TAB2: variants seen among roughly 807,000 people sequenced by gnomAD.
TAB2 encodes TGF-beta-activated kinase 1 and MAP3K7-binding protein 2.
Under a neutral mutation model 65.0 loss-of-function variants are expected in TAB2, and 3 were observed. The observed-to-expected ratio is 0.05, with a 90% CI of 0.02 to 0.12. The LOEUF is 0.12. Ranked by LOEUF, TAB2 falls within the 10% of genes least tolerant of loss-of-function variation. The pLI, the probability that TAB2 is intolerant of heterozygous loss-of-function variation, is 1.00. For missense variants in TAB2, 623 were observed against 840.3 expected, an observed-to-expected ratio of 0.74 and a Z score of 3.20; for synonymous variants, 298 against 285.1, an observed-to-expected ratio of 1.05 and a Z score of -0.46.
intron 1 of TAB2, among the ~76,000 whole-genome samples, chr6:149,227,498 C>A (rs1777306161): frequency 1.3e-5 from 2 of 151,630 alleles, no homozygotes; most frequent in Admixed American, 6.6e-5. Context: ...GGCAAATGCC[C>A]ACGATGCCAG....
chr6:149,326,818 C>T (rs770704532), intron 1 of TAB2, among the ~76,000 whole-genome samples: 2 of 152,052 alleles, frequency 1.3e-5, no homozygotes, highest in South Asian at 2.1e-4. Context: ...CTTTTTTAAG[C>T]GGTTTTTAGC....
rs565144118 is a variant in TAB2 at position 149,395,117 on chromosome 6, G to T, written c.1604-2487G>T. ...CTGCTACCGTGGTAACGTGAGCTCC[G>T]CAAGGGCAAGGATTTTTTCCTATTT... On this transcript the variant is annotated intron_variant, in intron 3 of 6. Transcript: ENST00000637181. Among the ~76,000 whole-genome samples, 4 of 152,210 alleles carry T rather than the reference G, an allele frequency of 2.6e-5. No homozygotes were observed. The South Asian group carries it at 6.3e-4, about 24-fold the overall frequency.
chr6:149,293,508 C>T (rs1036070152), intron 1 of TAB2, among the ~76,000 whole-genome samples: 1 of 152,140 alleles, frequency 6.6e-6, no homozygotes, highest in African/African-American at 2.4e-5. Flanking sequence ...GCTGTCCTGG[C>T]TTGTTGTTTG....
chr6:149,232,930 C>G (rs914521980), intron 1 of TAB2, among the ~76,000 whole-genome samples: 3 of 152,156 alleles, frequency 2.0e-5, no homozygotes, highest in African/African-American at 7.2e-5. Flanking sequence ...GTACTTCCCT[C>G]ACAGCGACCT....
At chr6:149,332,178 G>A (rs1307916312) in intron 1 of TAB2, among the ~76,000 whole-genome samples, 1 of 152,076 alleles carries the variant, frequency 6.6e-6, no homozygotes, top group Non-Finnish European at 1.5e-5. Flanking sequence ...TTTTGGATGT[G>A]TTAACTTTGA....
chr6:149,289,627 C>T (rs1340972051), intron 1 of TAB2, among the ~76,000 whole-genome samples: 3 of 152,162 alleles, frequency 2.0e-5, no homozygotes, highest in Non-Finnish European at 4.4e-5. Flanking sequence ...CTTGCTGGGC[C>T]TATGCCCGGA....
At chr6:149,273,651 C>T (rs573031123) in intron 1 of TAB2, among the ~76,000 whole-genome samples, 37 of 152,238 alleles carry the variant, frequency 2.4e-4, no homozygotes, top group African/African-American at 7.5e-4. Flanking sequence ...GGATGCCTGC[C>T]GCAAAGACAG....
chr6:149,223,328 TTTTG>T (rs1310650003), intron 1 of TAB2, among the ~76,000 whole-genome samples: 15 of 152,374 alleles, frequency 9.8e-5, no homozygotes, highest in Middle Eastern at 3.4e-3. Flanking sequence ...CCAGTACCTC[TTTTG>T]TTTGTTTTAG....
intron 1 of TAB2, among the ~76,000 whole-genome samples, chr6:149,358,640 C>CTGTGTGTGTGTGTGTGTGTGCG (rs1780746920): frequency 1.6e-5 from 2 of 121,634 alleles, no homozygotes; most frequent in Non-Finnish European, 3.4e-5. Context: ...CTTCAGAACT[C>CTGTGTGTGTGTGTGTGTGTGCG]TGTGTGTGTG....
At chr6:149,248,016 T>C (rs1224524078) in intron 1 of TAB2, 1 of 152,182 alleles carries the variant, frequency 6.6e-6, no homozygotes, top group Non-Finnish European at 1.5e-5. Flanking sequence ...CTATGGCACA[T>C]GTATACCTGT....
intron 1 of TAB2, among the ~76,000 whole-genome samples, chr6:149,271,187 G>A (rs1386737920): frequency 6.6e-6 from 1 of 151,952 alleles, no homozygotes; most frequent in Non-Finnish European, 1.5e-5. Context: ...CAGCCTGAGT[G>A]ACAGAGTGAG....
At chr6:149,283,389 G>C (rs1778611564) in intron 1 of TAB2, among the ~76,000 whole-genome samples, 1 of 152,170 alleles carries the variant, frequency 6.6e-6, no homozygotes, top group Non-Finnish European at 1.5e-5. Context: ...AGTAAGGACA[G>C]AGAATGTCAT....
chr6:149,355,525 G>C (rs1005269397), intron 1 of TAB2, among the ~76,000 whole-genome samples: 3 of 151,940 alleles, frequency 2.0e-5, no homozygotes, highest in South Asian at 2.1e-4. Context: ...AAATTAGCCG[G>C]GCGTGGTGGC....
intron 1 of TAB2, among the ~76,000 whole-genome samples, chr6:149,346,066 G>T (rs920628165): frequency 6.6e-6 from 1 of 152,108 alleles, no homozygotes; most frequent in Non-Finnish European, 1.5e-5. Flanking sequence ...AAACACGTGT[G>T]TTTTTTCTAG....
intron 1 of TAB2, among the ~76,000 whole-genome samples, chr6:149,351,842 C>T (rs920761068): frequency 1.3e-5 from 2 of 152,130 alleles, no homozygotes; most frequent in African/African-American, 4.8e-5. Flanking sequence ...ACAGTGTGCA[C>T]TTATGGAACT....
chr6:149,288,490 G>A (rs1778716486), intron 1 of TAB2, among the ~76,000 whole-genome samples: 1 of 152,158 alleles, frequency 6.6e-6, no homozygotes, highest in Admixed American at 6.5e-5. Flanking sequence ...ATAAGGGAGA[G>A]GGATGTGGCA....
chr6:149,330,799 AT>A (rs1396763846), intron 1 of TAB2, among the ~76,000 whole-genome samples: 1 of 152,062 alleles, frequency 6.6e-6, no homozygotes, highest in African/African-American at 2.4e-5. Context: ...CATTTTGTGC[AT>A]TTTTTTCTTT....
At position 149,410,763 on chromosome 6, in the gene TAB2, T is replaced by C. The variant is rs1276874689; in HGVS notation, c.*1044T>C. 4 of 152,590 alleles carry C rather than the reference T, an allele frequency of 2.6e-5. No individual in the cohort carries two copies. Among genetic ancestry groups the C allele is most frequent in the African/African-American group, 9.6e-5 (4 of 41,464 alleles). The allele number at this position is 152,590 out of a possible 1,614,324, so 9.5% of individuals were successfully genotyped here. ...GGGAAGCTTAAAACAAAAGATATTT[T>C]TAACCCACTGACAGAACAACAAGGT... On this transcript the variant is annotated 3_prime_UTR_variant, in exon 7 of 7. Transcript: ENST00000637181.
Position 149,378,837 on chromosome 6 carries a change from G to T in TAB2, c.922G>T (p.Ala308Ser). ...IHSSGSSQSS[A>S]HSQYNIQNIS... ...TTCATCTGGTAGCTCACAGTCTTCT[G>T]CCCATAGCCAATATAACATTCAGAA... is the stretch of plus-strand genomic sequence containing the variant. The change falls in exon 3 of 7, where the codon GCC (alanine) becomes TCC (serine). Residue 308 changes from alanine to serine, a missense_variant. Ala to Ser is a moderately conservative substitution (Grantham distance 99). Coordinates refer to ENST00000637181, the MANE Select transcript of TAB2 (RefSeq NM_001292034.3). 6.2e-7 allele frequency: 1 copy of T among 1,613,982 alleles called. No individual in the cohort carries two copies. Among genetic ancestry groups the T allele is most frequent in the East Asian group, 2.2e-5 (1 of 44,884 alleles).
Sources: allele counts gnomAD v4.1 joint callset (sites outside exome capture counted in the v4.1 genomes callset), GRCh38; gene constraint gnomAD v4.1.1; transcripts MANE v1.5; gene names NCBI Gene and HGNC (gene_info 2026-07-23, HGNC 2026-07-21).